CNTN3: variants seen among roughly 807,000 people sequenced by gnomAD.
The protein encoded by CNTN3 is contactin-3.
Under a neutral mutation model 119.1 loss-of-function variants are expected in CNTN3, and 60 were observed. That is an observed-to-expected ratio of 0.50 (90% confidence interval 0.41 to 0.62). The LOEUF is 0.62. Among genes scored for constraint, CNTN3 ranks in the 20% least tolerant of loss-of-function variants. CNTN3 has a pLI of 0.00. For synonymous variants in CNTN3, 450 were observed against 438.7 expected (o/e 1.03, Z -0.32); for missense variants, 1,101 against 1,242.4 (o/e 0.89, Z 1.71).
intron 5 of CNTN3, among the ~76,000 whole-genome samples, chr3:74,413,942 C>A (rs1451713668): frequency 6.6e-6 from 1 of 152,092 alleles, no homozygotes; most frequent in South Asian, 2.1e-4. Flanking sequence ...ACAATAACAA[C>A]AATAACAACA....
Position 74,453,825 on chromosome 3 carries a change from T to G in CNTN3, c.359-28885A>C, listed in dbSNP as rs1271935256. 2.0e-5 allele frequency among the ~76,000 whole-genome samples: 3 copies of G among 152,084 alleles called. No homozygotes were observed. In the East Asian group the frequency reaches 5.8e-4, roughly 29 times the overall value. The stretch of plus-strand genomic sequence containing the variant: ...TTCAGTTTCCATGTAGTTGGGCAGT[T>G]TTGAGTGAGTTTCTTAATCTTGAGT... On this transcript the variant is annotated intron_variant, in intron 4 of 22. Transcript: ENST00000263665.
intron 1 of CNTN3, among the ~76,000 whole-genome samples, chr3:74,598,604 T>G (rs1273065411): frequency 6.6e-6 from 1 of 152,106 alleles, no homozygotes; most frequent in African/African-American, 2.4e-5. Context: ...CAATATAATG[T>G]GATTTTAAGT....
At chr3:74,443,462 C>A (rs1181133476) in intron 4 of CNTN3, among the ~76,000 whole-genome samples, 1 of 152,142 alleles carries the variant, frequency 6.6e-6, no homozygotes, top group Non-Finnish European at 1.5e-5. Context: ...TCCAATCCTG[C>A]CCCTCCCCTC....
intron 3 of CNTN3, among the ~76,000 whole-genome samples, chr3:74,489,581 C>G (rs1702924611): frequency 6.6e-6 from 1 of 152,028 alleles, no homozygotes; most frequent in Non-Finnish European, 1.5e-5. Context: ...ATGAAGCTCA[C>G]ATTTTTTAGA....
chr3:74,315,289 C>T lies in CNTN3; in HGVS notation c.1669-12482G>A, dbSNP rs149806721. On this transcript the variant is annotated intron_variant, in intron 13 of 22. Transcript: ENST00000263665. The stretch of plus-strand genomic sequence containing the variant: ...TGTTTAGCATATAATCAATAAACAA[C>T]CATAAAAATAGTTATCCAGCAGATC... Among the ~76,000 whole-genome samples the T allele has an allele frequency of 4.6e-3, 700 of 152,264 alleles. 5 individuals carry two copies. Among genetic ancestry groups the T allele is most frequent in the African/African-American group, 0.016 (660 of 41,552 alleles).
At chr3:74,306,565 ATATCTCTAT>A (rs1332445044) in intron 13 of CNTN3, among the ~76,000 whole-genome samples, 3 of 152,072 alleles carry the variant, frequency 2.0e-5, no homozygotes, top group Non-Finnish European at 2.9e-5. Context: ...TCTTCTCCTC[ATATCTCTAT>A]TTTGCTCAAA....
At chr3:74,564,088 G>A (rs1704193020) in intron 1 of CNTN3, among the ~76,000 whole-genome samples, 2 of 152,090 alleles carry the variant, frequency 1.3e-5, no homozygotes, top group Admixed American at 1.3e-4. Flanking sequence ...ATGAAATATT[G>A]TTAGCCAAGT....
chr3:74,498,820 G>T (rs114873714), intron 3 of CNTN3, among the ~76,000 whole-genome samples: 1 of 151,944 alleles, frequency 6.6e-6, no homozygotes, highest in Non-Finnish European at 1.5e-5. Context: ...TGTTCACATT[G>T]CATGAAAGAG....
chr3:74,336,738 A>G (rs1703404764), intron 11 of CNTN3, 80 bp from the exon 12 acceptor site: 1 of 1,175,098 alleles, frequency 8.5e-7, no homozygotes, highest in Non-Finnish European at 1.2e-6. Flanking sequence ...TTTACAGAAC[A>G]TGTTGCCTTA....
chr3:74,282,194 G>A (rs1702027185), intron 20 of CNTN3, among the ~76,000 whole-genome samples: 1 of 152,116 alleles, frequency 6.6e-6, no homozygotes, highest in African/African-American at 2.4e-5. Context: ...AAAAACACAA[G>A]TATTTGGATA....
At chr3:74,573,396 G>C (rs1704365180) in intron 1 of CNTN3, among the ~76,000 whole-genome samples, 1 of 151,848 alleles carries the variant, frequency 6.6e-6, no homozygotes, top group African/African-American at 2.4e-5. Context: ...TTGTGACTTT[G>C]AATTAGGAAA....
intron 19 of CNTN3, among the ~76,000 whole-genome samples, chr3:74,288,160 T>TTTTCTTC (rs1553692367): frequency 1.5e-5 from 1 of 68,114 alleles, no homozygotes; most frequent in African/African-American, 1.1e-4. Context: ...TTTTCTTTTC[T>TTTTCTTC]TTTTTTTTTT....
intron 9 of CNTN3, among the ~76,000 whole-genome samples, chr3:74,365,107 A>C (rs1027851451): frequency 6.6e-6 from 1 of 152,144 alleles, no homozygotes; most frequent in Non-Finnish European, 1.5e-5. Context: ...CAATTGACTT[A>C]GTATACAAAA....
intron 2 of CNTN3, among the ~76,000 whole-genome samples, chr3:74,515,043 G>A (rs1483850931): frequency 6.6e-6 from 1 of 152,054 alleles, no homozygotes; most frequent in Non-Finnish European, 1.5e-5. Flanking sequence ...ATTTCTGGAT[G>A]TGGGGAGGGA....
chr3:74,363,866 C>A (rs1704130179), intron 10 of CNTN3, among the ~76,000 whole-genome samples: 1 of 152,082 alleles, frequency 6.6e-6, no homozygotes, highest in African/African-American at 2.4e-5. Context: ...CTATGCTACA[C>A]TATGCCATGG....
At chr3:74,527,768 C>T (rs778075730) in intron 1 of CNTN3, among the ~76,000 whole-genome samples, 23 of 151,914 alleles carry the variant, frequency 1.5e-4, no homozygotes, top group Non-Finnish European at 3.1e-4. Context: ...CTTTACAAGC[C>T]TCTCCGCAAT....
intron 1 of CNTN3, among the ~76,000 whole-genome samples, chr3:74,528,228 T>A (rs907545246): frequency 2.0e-5 from 3 of 151,868 alleles, no homozygotes; most frequent in African/African-American, 7.2e-5. Context: ...CCTTGTACGA[T>A]AATGAAGAAT....
In CNTN3 at chr3:74,295,251, A is replaced by C; in HGVS notation, c.2402-15T>G. 7.2e-7 allele frequency: 1 copy of C among 1,387,428 alleles called. No individual in the cohort carries two copies. The highest frequency in any genetic ancestry group is 1.0e-6 in the Non-Finnish European group (1 of 985,100). 85.9% of individuals were successfully genotyped at this position (1,387,428 alleles called of 1,614,324 possible). Reference sequence around the variant, plus strand: ...CACTGTAGGCTCTGTTCGGAAACAGAAATTGAAATATGATGATAATTTTGG... The same window carrying C: ...CACTGTAGGCTCTGTTCGGAAACAGCAATTGAAATATGATGATAATTTTGG... On this transcript the variant is annotated splice_polypyrimidine_tract_variant and intron_variant, in intron 18 of 22. Coordinates refer to ENST00000263665, the MANE Select transcript of CNTN3 (RefSeq NM_020872.3).
chr3:74,273,932 C>T (rs564203885), intron 20 of CNTN3, among the ~76,000 whole-genome samples: 35 of 152,212 alleles, frequency 2.3e-4, no homozygotes, highest in African/African-American at 8.4e-4. Flanking sequence ...GCCCTGCCTG[C>T]CCACTGCCTG....
Sources: gnomAD v4.1 joint callset for allele counts (sites outside exome capture counted in the v4.1 genomes callset) on GRCh38, gnomAD v4.1.1 for gene constraint, MANE v1.5 for transcripts, NCBI Gene and HGNC (gene_info 2026-07-23, HGNC 2026-07-21) for gene names.